Variants in PDZD8 observed in about 807,000 individuals in gnomAD.
PDZD8 encodes PDZ domain containing 8.
A neutral mutation model predicts 85.8 loss-of-function variants in PDZD8; 14 were observed. That is an observed-to-expected ratio of 0.16 (90% CI 0.11 to 0.26). The LOEUF is 0.26. Ranked by LOEUF, PDZD8 falls within the 10% of genes least tolerant of loss-of-function variation. PDZD8 has a pLI of 1.00. For missense variants in PDZD8, 1,197 were observed against 1,424.3 expected, an observed-to-expected ratio of 0.84 and a Z score of 2.57; for synonymous variants, 592 against 568.6, an observed-to-expected ratio of 1.04 and a Z score of -0.59.
intron 1 of PDZD8, among the ~76,000 whole-genome samples, chr10:117,351,415 A>G (rs1844803657): frequency 6.6e-6 from 1 of 152,222 alleles, no homozygotes; most frequent in Non-Finnish European, 1.5e-5. Context: ...TTCAATTTAT[A>G]CAAAGTTCAA....
At chr10:117,326,677 A>T (rs933618738) in intron 2 of PDZD8, among the ~76,000 whole-genome samples, 14 of 152,196 alleles carry the variant, frequency 9.2e-5, no homozygotes, top group Non-Finnish European at 1.9e-4. Context: ...TGTTTGTTCA[A>T]ATTGAACTAG....
rs193280110 is a variant in PDZD8 at position 117,297,924 on chromosome 10, C to T, written c.1099-7576G>A. 2.4e-3 allele frequency among the ~76,000 whole-genome samples: 365 copies of T among 152,134 alleles called. 1 individual carries two copies. The highest frequency in any genetic ancestry group is 4.0e-3 in the Non-Finnish European group (275 of 67,976). The stretch of plus-strand genomic sequence containing the variant: ...AACCTTATATATGCCAGTTTTTGTC[C>T]TAAGATGCTTAAATATGCAGATCAC... On this transcript the variant is annotated intron_variant, in intron 3 of 4. Coordinates refer to ENST00000334464, the MANE Select transcript of PDZD8 (RefSeq NM_173791.5).
chr10:117,342,626 C>G (rs905614956), intron 1 of PDZD8, among the ~76,000 whole-genome samples: 13 of 152,090 alleles, frequency 8.5e-5, no homozygotes, highest in African/African-American at 2.9e-4. Context: ...TACAGGCATG[C>G]ACCACTATAC....
intron 3 of PDZD8, among the ~76,000 whole-genome samples, chr10:117,301,490 G>A (rs961470217): frequency 6.6e-6 from 1 of 152,174 alleles, no homozygotes; most frequent in Admixed American, 6.5e-5. Context: ...TTACTGAGCT[G>A]TTTGCAAGGT....
intron 1 of PDZD8, among the ~76,000 whole-genome samples, chr10:117,358,113 A>G (rs1844932282): frequency 6.6e-6 from 1 of 152,138 alleles, no homozygotes; most frequent in East Asian, 1.9e-4. Context: ...TTTTCATAAT[A>G]AAAAGTCAAA....
Position 117,277,314 on chromosome 10 carries a change from GT to G in PDZD8, c.*5953del. 1 of 1,189,390 alleles carries G rather than the reference GT, an allele frequency of 8.4e-7. No individual in the cohort carries two copies. Among genetic ancestry groups the G allele is most frequent in the Non-Finnish European group, 1.2e-6 (1 of 811,970 alleles). 73.7% of individuals were successfully genotyped at this position (1,189,390 alleles called of 1,614,324 possible). A position where few individuals can be genotyped will look rare whatever the true frequency, so the allele number is the denominator to read the frequency against. On this transcript the variant is annotated 3_prime_UTR_variant, in exon 5 of 5. Transcript: ENST00000334464. ...AAAGTGTTTAATTGTATAAAACAGTGTTTCCAGTGACACAACTCATCCAGAA... is the reference window on the plus strand; with the variant it reads ...AAAGTGTTTAATTGTATAAAACAGTGTTCCAGTGACACAACTCATCCAGAA...
At chr10:117,353,638 A>C (rs1304978070) in intron 1 of PDZD8, among the ~76,000 whole-genome samples, 2 of 152,028 alleles carry the variant, frequency 1.3e-5, no homozygotes, top group Admixed American at 1.3e-4. Flanking sequence ...TTTTAAAAAA[A>C]GACATATTGA....
chr10:117,317,233 GA>G (rs1411297658), intron 3 of PDZD8, among the ~76,000 whole-genome samples: 1 of 152,082 alleles, frequency 6.6e-6, no homozygotes, highest in African/African-American at 2.4e-5. Flanking sequence ...TTTATACAAA[GA>G]TAGCATCCTA....
In PDZD8 at chr10:117,374,223, C is replaced by T. The variant is rs1424232857; in HGVS notation, c.872+133G>A. The stretch of plus-strand genomic sequence containing the variant: ...TTCACGACTCGCCTTGATCTGGGGC[C>T]CTGTCCAGGGTGGGAAGGCCCCAGA... On this transcript the variant is annotated intron_variant, in intron 1 of 4. Coordinates refer to ENST00000334464, the MANE Select transcript of PDZD8 (RefSeq NM_173791.5). The surrounding 1 kb of genome is among the most constrained non-coding windows in gnomAD (Gnocchi z 7.8). 2.2e-6 allele frequency: 3 copies of T among 1,367,360 alleles called. No homozygotes were observed. The highest frequency in any genetic ancestry group is 2.9e-5 in the African/African-American group (2 of 69,186). 84.7% of individuals were successfully genotyped at this position (1,367,360 alleles called of 1,614,324 possible).
intron 2 of PDZD8, among the ~76,000 whole-genome samples, chr10:117,321,543 T>C (rs955888537): frequency 6.6e-6 from 1 of 152,122 alleles, no homozygotes; most frequent in Non-Finnish European, 1.5e-5. Flanking sequence ...GGGATGAAAA[T>C]ATTCTAAAAT....
In PDZD8 at chr10:117,277,366, T is replaced by C. The variant is rs531345460; in HGVS notation, c.*5902A>G. On this transcript the variant is annotated 3_prime_UTR_variant, in exon 5 of 5. Transcript: ENST00000334464. ...CTGTCTTAGTCATACCATCCATCCC[T>C]GGTGAAAGAGTAAAACCAAAGGTTA... 4 of 639,708 alleles carry C rather than the reference T, an allele frequency of 6.3e-6. No homozygotes were observed. The highest frequency in any genetic ancestry group is 1.0e-5 in the Non-Finnish European group (4 of 386,960). The allele number at this position is 639,708 out of a possible 1,614,324, so 39.6% of individuals were successfully genotyped here.
intron 3 of PDZD8, among the ~76,000 whole-genome samples, chr10:117,296,303 T>C (rs1283196374): frequency 1.3e-5 from 2 of 152,136 alleles, no homozygotes; most frequent in Non-Finnish European, 2.9e-5. Context: ...GTAAGACCTA[T>C]ATGTTGCAAA....
chr10:117,364,184 GTGT>G (rs1845046090), intron 1 of PDZD8, among the ~76,000 whole-genome samples: 4 of 45,540 alleles, frequency 8.8e-5, no homozygotes, highest in Middle Eastern at 0.021. Flanking sequence ...ATTTATGGGT[GTGT>G]GTGTGTGTGT....
chr10:117,352,518 A>T (rs1463558431), intron 1 of PDZD8, among the ~76,000 whole-genome samples: 2 of 152,244 alleles, frequency 1.3e-5, no homozygotes, highest in Non-Finnish European at 2.9e-5. Context: ...AGAATCATAT[A>T]TACATATAGA....
chr10:117,354,039 C>T (rs1844851384), intron 1 of PDZD8, among the ~76,000 whole-genome samples: 1 of 152,154 alleles, frequency 6.6e-6, no homozygotes, highest in African/African-American at 2.4e-5. Flanking sequence ...TCAAAGACAC[C>T]TGGAAACCTG....
At chr10:117,348,921 C>T (rs1200472714) in intron 1 of PDZD8, among the ~76,000 whole-genome samples, 4 of 152,202 alleles carry the variant, frequency 2.6e-5, no homozygotes, top group Non-Finnish European at 5.9e-5. Flanking sequence ...AGGAGCCTGA[C>T]AAAGGAGGCT....
At chr10:117,339,048 G>C (rs1300484941) in intron 2 of PDZD8, among the ~76,000 whole-genome samples, 1 of 142,432 alleles carries the variant, frequency 7.0e-6, no homozygotes, top group Non-Finnish European at 1.5e-5. Context: ...GTCTTTTTTT[G>C]ATTTAAAAAA....
chr10:117,289,154 G>A (rs556994700), intron 4 of PDZD8, among the ~76,000 whole-genome samples: 40 of 152,292 alleles, frequency 2.6e-4, no homozygotes, highest in Admixed American at 7.2e-4. Flanking sequence ...CATCAGGTCT[G>A]GGTGACTGGC....
chr10:117,358,496 T>G (rs1844939921), intron 1 of PDZD8, among the ~76,000 whole-genome samples: 1 of 152,086 alleles, frequency 6.6e-6, no homozygotes, highest in Non-Finnish European at 1.5e-5. Flanking sequence ...TAAAATAGTC[T>G]TTTTTACTGA....
Sources: gnomAD v4.1 joint callset for allele counts (sites outside exome capture counted in the v4.1 genomes callset) on GRCh38, gnomAD v4.1.1 for gene constraint, Gnocchi (gnomAD v3.1) non-coding constraint, MANE v1.5 for transcripts, NCBI Gene and HGNC (gene_info 2026-07-23, HGNC 2026-07-21) for gene names.